Variants in CPA5 observed in about 807,000 individuals in gnomAD.
The protein encoded by CPA5 is testicular tissue protein Li 32.
CPA5 carries 38 observed loss-of-function variants against 52.2 expected under a neutral mutation model. The observed-to-expected ratio is 0.73, with a 90% CI of 0.56 to 0.95. CPA5 has a LOEUF of 0.95. Ranked by LOEUF, CPA5 falls within the 40% of genes least tolerant of loss-of-function variation. The pLI, the probability that CPA5 is intolerant of heterozygous loss-of-function variation, is 0.00. For synonymous variants in CPA5, 198 were observed against 213.7 expected, an observed-to-expected ratio of 0.93 and a Z score of 0.64; for missense variants, 519 against 566.7, an observed-to-expected ratio of 0.92 and a Z score of 0.86.
chr7:130,373,064 A>G (rs1020399592), downstream of CPA5, among the ~76,000 whole-genome samples: 9 of 151,798 alleles, frequency 5.9e-5, no homozygotes, highest in African/African-American at 2.2e-4. Context: ...GCTTCCTTCC[A>G]TATAGATTGA....
intron 5 of CPA5, among the ~76,000 whole-genome samples, chr7:130,355,411 G>A (rs782517313): frequency 5.3e-5 from 8 of 152,074 alleles, no homozygotes; most frequent in Non-Finnish European, 1.0e-4. Context: ...GTGTGTGTGT[G>A]TGTGTGTGTT....
chr7:130,347,681 T>C lies in CPA5; in HGVS notation c.117-85T>C, dbSNP rs1794852187. 4 of 1,178,418 alleles carry C rather than the reference T, an allele frequency of 3.4e-6. No individual in the cohort carries two copies. In the African/African-American group the frequency reaches 4.5e-5, roughly 13 times the overall value. 73.0% of individuals were successfully genotyped at this position (1,178,418 alleles called of 1,614,324 possible). A position where few individuals can be genotyped will look rare whatever the true frequency, so the allele number is the denominator to read the frequency against. On this transcript the variant is annotated intron_variant, in intron 3 of 12. Transcript: ENST00000474905. Reference sequence around the variant, plus strand: ...CCCGCCTGGCCCTCAGCTGGGCCTCTGCTCCACTCTGCCCCTTCCAAGTGA... The same window carrying C: ...CCCGCCTGGCCCTCAGCTGGGCCTCCGCTCCACTCTGCCCCTTCCAAGTGA...
At chr7:130,347,925 C>G (rs955958554) in intron 4 of CPA5, 78 bp downstream of exon 4, 13 of 1,120,364 alleles carry the variant, frequency 1.2e-5, no homozygotes, top group Non-Finnish European at 1.3e-5. Context: ...TCCTGCCCCC[C>G]TTTATCCCAA....
chr7:130,347,686 C>T (rs747630847), intron 3 of CPA5, 80 bp from the exon 4 acceptor site: 1 of 1,236,414 alleles, frequency 8.1e-7, no homozygotes, highest in South Asian at 1.3e-5. Flanking sequence ...GCCTCTGCTC[C>T]ACTCTGCCCC....
chr7:130,361,309 A>C, intron 7 of CPA5, 65 bp downstream of exon 7: 1,843 of 1,110,764 alleles, frequency 1.7e-3, no homozygotes, highest in Non-Finnish European at 2.3e-3. Context: ...GATTGATCTC[A>C]TATGGGGTAG....
intron 10 of CPA5, among the ~76,000 whole-genome samples, chr7:130,365,029 T>A (rs1311362828): frequency 1.3e-5 from 2 of 152,194 alleles, no homozygotes; most frequent in African/African-American, 4.8e-5. Context: ...CTGTTGATAA[T>A]CAGACCTATA....
At chr7:130,371,420 T>C (rs1374812549), downstream of CPA5, among the ~76,000 whole-genome samples, 1 of 152,136 alleles carries the variant, frequency 6.6e-6, no homozygotes, top group Non-Finnish European at 1.5e-5. Context: ...TGGTAGCTCA[T>C]CATCTGCCTT....
In CPA5 at chr7:130,350,018, A is replaced by C. The variant is rs781953315; in HGVS notation, c.242A>C (p.Asp81Ala). The change falls in exon 5 of 13, where the codon GAT becomes GCT. Residue 81 changes from aspartate to alanine, a missense_variant. Physicochemically the swap from Asp to Ala is moderately radical, Grantham distance 126. Coordinates refer to ENST00000474905, the MANE Select transcript of CPA5 (RefSeq NM_080385.5). The part of the protein sequence containing the change: ...RGPARPSLPV[D>A]MRVPFSELKD... ...CCAGCCAGGCCCAGCCTCCCTGTGG[A>C]TATGAGAGTTCCTTTCTCTGAACTG... is the stretch of plus-strand genomic sequence containing the variant. 6.2e-7 allele frequency: 1 copy of C among 1,614,032 alleles called. No individual in the cohort carries two copies. Among genetic ancestry groups the C allele is most frequent in the Non-Finnish European group, 8.5e-7 (1 of 1,179,982 alleles).
chr7:130,347,924 C>A (rs1409808663), intron 4 of CPA5, 77 bp downstream of exon 4: 3 of 1,138,200 alleles, frequency 2.6e-6, no homozygotes, highest in Admixed American at 4.0e-5. Flanking sequence ...GTCCTGCCCC[C>A]CTTTATCCCA....
In CPA5 at chr7:130,348,983, T is replaced by C. The variant is rs1479040588; in HGVS notation, c.199-992T>C. Among the ~76,000 whole-genome samples the C allele has an allele frequency of 2.0e-5, 3 of 152,206 alleles. No individual in the cohort carries two copies. In the East Asian group the frequency reaches 5.8e-4, roughly 29 times the overall value. On this transcript the variant is annotated intron_variant, in intron 4 of 12. Coordinates refer to ENST00000474905, the MANE Select transcript of CPA5 (RefSeq NM_080385.5). Reference sequence around the variant, plus strand: ...AGTCACTTAGTGGCCATCTCGGTCATCAGACCGACTGTCGCGGTGTTGCAG... The same window carrying C: ...AGTCACTTAGTGGCCATCTCGGTCACCAGACCGACTGTCGCGGTGTTGCAG...
At chr7:130,348,832 G>A (rs1450098507) in intron 4 of CPA5, among the ~76,000 whole-genome samples, 1 of 152,134 alleles carries the variant, frequency 6.6e-6, no homozygotes, top group Non-Finnish European at 1.5e-5. Flanking sequence ...CTCCTGATTG[G>A]CAGTCAACCA....
chr7:130,362,794 C>T (rs1055398575), intron 8 of CPA5, 90 bp from the exon 9 acceptor site: 24 of 806,844 alleles, frequency 3.0e-5, no homozygotes, highest in Non-Finnish European at 4.4e-5. Context: ...CATGCCATCC[C>T]TTCCTGCAGC....
the CPA5 span, among the ~76,000 whole-genome samples, chr7:130,374,172 C>T: frequency 1.3e-5 from 2 of 152,202 alleles, no homozygotes; most frequent in African/African-American, 4.8e-5. Context: ...GCTGATACCC[C>T]TTCTGTAGCA....
intron 5 of CPA5, among the ~76,000 whole-genome samples, chr7:130,354,761 C>G (rs949581088): frequency 3.8e-4 from 58 of 151,672 alleles, no homozygotes; most frequent in African/African-American, 1.2e-3. Context: ...TTATATTGCC[C>G]AGGGTGGAGT....
At chr7:130,350,261 C>A (rs1417379699) in intron 5 of CPA5, 152 bp downstream of exon 5, 2 of 812,768 alleles carry the variant, frequency 2.5e-6, no homozygotes, top group African/African-American at 3.5e-5. Context: ...GGAAGTGAGC[C>A]GCACGCTTCT....
At chr7:130,367,210 T>A (rs1011273232) in intron 10 of CPA5, among the ~76,000 whole-genome samples, 162 bp from the exon 11 acceptor site, 2 of 152,130 alleles carry the variant, frequency 1.3e-5, no homozygotes, top group African/African-American at 4.8e-5. Context: ...AGAAGTGCCG[T>A]GTCATTTCTG....
chr7:130,367,641 C>T, intron 11 of CPA5, 70 bp downstream of exon 11: 1 of 1,419,150 alleles, frequency 7.0e-7, no homozygotes, highest in Non-Finnish European at 9.9e-7. Flanking sequence ...TGTCATACTC[C>T]CAGAGGGCTC....
chr7:130,346,495 A>G lies in CPA5; in HGVS notation c.10A>G (p.Thr4Ala), dbSNP rs1554402161. The G allele has an allele frequency of 6.2e-6, 10 of 1,611,890 alleles. No individual in the cohort carries two copies. The highest frequency in any genetic ancestry group is 8.5e-6 in the Non-Finnish European group (10 of 1,178,676). Residue 4 changes from threonine to alanine, a missense_variant, in exon 3 of 13, where the codon ACC becomes GCC. Physicochemically the swap from Thr to Ala is moderately conservative, Grantham distance 58. Transcript: ENST00000474905. ...ACCAGGAGGAAGAAGCATGCAGGGCACCCCTGGAGGCGGGACGCGCCCTGG... is the reference window on the plus strand; with the variant it reads ...ACCAGGAGGAAGAAGCATGCAGGGCGCCCCTGGAGGCGGGACGCGCCCTGG... MQG[T>A]PGGGTRPGPS...
At chr7:130,370,953 C>T (rs987811415), downstream of CPA5, among the ~76,000 whole-genome samples, 3 of 152,222 alleles carry the variant, frequency 2.0e-5, no homozygotes, top group African/African-American at 7.2e-5. Flanking sequence ...CTGCCATTGT[C>T]CACTGGGGCT....
Sources: allele counts gnomAD v4.1 joint callset (sites outside exome capture counted in the v4.1 genomes callset), GRCh38; gene constraint gnomAD v4.1.1; transcripts MANE v1.5; gene names NCBI Gene and HGNC (gene_info 2026-07-23, HGNC 2026-07-21).